CTNND2: variants seen among roughly 807,000 people sequenced by gnomAD.
CTNND2 encodes the protein catenin delta 2, also known as catenin delta-2.
A neutral mutation model predicts 144.4 loss-of-function variants in CTNND2; 22 were observed. The observed-to-expected ratio is 0.15, with a 90% confidence interval of 0.11 to 0.22. CTNND2 has a LOEUF of 0.22. Among genes scored for constraint, CTNND2 ranks in the 10% least tolerant of loss-of-function variants. The probability of loss-of-function intolerance (pLI) is 1.00; values close to 1 mark genes in which losing one functional copy is unlikely to be tolerated. For missense variants in CTNND2, 1,353 were observed against 1,618.8 expected (o/e 0.84, Z 2.82); for synonymous variants, 751 against 695.6 (o/e 1.08, Z -1.25).
At chr5:10,998,847 T>C (rs1739623730) in intron 18 of CTNND2, among the ~76,000 whole-genome samples, 1 of 152,218 alleles carries the variant, frequency 6.6e-6, no homozygotes, top group African/African-American at 2.4e-5. Flanking sequence ...AAAATGTGCG[T>C]AGGTTATATG....
intron 3 of CTNND2, among the ~76,000 whole-genome samples, chr5:11,549,287 C>A (rs966100983): frequency 6.6e-6 from 1 of 152,136 alleles, no homozygotes; most frequent in Admixed American, 6.5e-5. Flanking sequence ...ACATTATATA[C>A]GGTGTCTGCA....
intron 2 of CTNND2, among the ~76,000 whole-genome samples, chr5:11,686,927 T>C (rs1424192136): frequency 6.6e-6 from 1 of 150,460 alleles, no homozygotes; most frequent in Non-Finnish European, 1.5e-5. Context: ...TAGACAAAAA[T>C]AGAAAATGCA....
intron 2 of CTNND2, among the ~76,000 whole-genome samples, chr5:11,702,747 G>A (rs1222167734): frequency 6.6e-6 from 1 of 152,178 alleles, no homozygotes; most frequent in Admixed American, 6.5e-5. Flanking sequence ...AAAACACAGA[G>A]GTTGTTAGCA....
chr5:11,182,556 A>G (rs1298482313), intron 11 of CTNND2, among the ~76,000 whole-genome samples: 2 of 152,000 alleles, frequency 1.3e-5, no homozygotes, highest in Admixed American at 1.3e-4. Context: ...CAAAACTCTT[A>G]ATTGCAGGTG....
chr5:11,197,387 A>G (rs1245000283), intron 11 of CTNND2, among the ~76,000 whole-genome samples: 2 of 152,244 alleles, frequency 1.3e-5, no homozygotes, highest in Non-Finnish European at 2.9e-5. Flanking sequence ...CATTTCGTCT[A>G]GGAGGAGACA....
At chr5:11,504,959 CCT>C (rs2150014977) in intron 3 of CTNND2, among the ~76,000 whole-genome samples, 1 of 152,192 alleles carries the variant, frequency 6.6e-6, no homozygotes, top group African/African-American at 2.4e-5. Context: ...CACATGGCCT[CCT>C]TTTGTCCTGG....
In CTNND2 at chr5:11,291,771, A is replaced by T. The variant is rs141132480; in HGVS notation, c.1628+54601T>A. On this transcript the variant is annotated intron_variant, in intron 9 of 21. Transcript: ENST00000304623. Reference sequence around the variant, plus strand: ...TAACATGGAACAGAAAATGCCTGAAACCTGGTACAAAATAGGCAGGCAATA... The same window carrying T: ...TAACATGGAACAGAAAATGCCTGAATCCTGGTACAAAATAGGCAGGCAATA... Among the ~76,000 whole-genome samples the T allele has an allele frequency of 5.3e-4, 81 of 152,286 alleles. 1 individual carries two copies. In the East Asian group the frequency reaches 0.015, roughly 28 times the overall value.
chr5:11,437,651 A>G (rs1435465855), intron 3 of CTNND2, among the ~76,000 whole-genome samples: 1 of 152,142 alleles, frequency 6.6e-6, no homozygotes, highest in African/African-American at 2.4e-5. Flanking sequence ...GTGTGAACCC[A>G]AAGAGTAAGT....
At chr5:11,261,044 G>A (rs1023263207) in intron 9 of CTNND2, among the ~76,000 whole-genome samples, 1 of 152,084 alleles carries the variant, frequency 6.6e-6, no homozygotes, top group Non-Finnish European at 1.5e-5. Flanking sequence ...GTTGATCCCA[G>A]GCAGGGTGCT....
At chr5:11,220,273 A>C (rs1277593363) in intron 10 of CTNND2, among the ~76,000 whole-genome samples, 1 of 152,204 alleles carries the variant, frequency 6.6e-6, no homozygotes, top group Non-Finnish European at 1.5e-5. Flanking sequence ...CCCAGTGAAG[A>C]GGAAAGAAGG....
At chr5:11,710,331 A>C (rs1375307144) in intron 2 of CTNND2, among the ~76,000 whole-genome samples, 1 of 152,100 alleles carries the variant, frequency 6.6e-6, no homozygotes, top group Non-Finnish European at 1.5e-5. Flanking sequence ...TCACGAGGTC[A>C]AGGGATCGAG....
chr5:11,740,058 G>A (rs1787912267), intron 1 of CTNND2, among the ~76,000 whole-genome samples: 1 of 152,090 alleles, frequency 6.6e-6, no homozygotes, highest in Admixed American at 6.6e-5. Flanking sequence ...ACAAATGCAA[G>A]AACATTCCAT....
At chr5:11,553,471 A>T (rs1370933791) in intron 3 of CTNND2, among the ~76,000 whole-genome samples, 2 of 152,268 alleles carry the variant, frequency 1.3e-5, no homozygotes, top group East Asian at 3.8e-4. Context: ...TGATTCACTC[A>T]TAACAGTTGG....
intron 3 of CTNND2, among the ~76,000 whole-genome samples, chr5:11,437,879 G>A (rs1189668732): frequency 6.6e-6 from 1 of 152,208 alleles, no homozygotes; most frequent in African/African-American, 2.4e-5. Context: ...TATTCCACAA[G>A]CACCCTCACA....
At chr5:11,657,768 C>T (rs1017905449) in intron 2 of CTNND2, among the ~76,000 whole-genome samples, 3 of 152,046 alleles carry the variant, frequency 2.0e-5, no homozygotes, top group African/African-American at 7.2e-5. Context: ...GTGCATAAAA[C>T]TCAAATACCT....
intron 9 of CTNND2, among the ~76,000 whole-genome samples, chr5:11,239,215 C>T (rs1223201315): frequency 6.6e-6 from 1 of 152,258 alleles, no homozygotes; most frequent in Admixed American, 6.5e-5. Flanking sequence ...CCAAGTGCAC[C>T]TTTTGAACAA....
intron 8 of CTNND2, among the ~76,000 whole-genome samples, chr5:11,350,898 G>A (rs1580985508): frequency 6.6e-6 from 1 of 152,122 alleles, no homozygotes; most frequent in Admixed American, 6.5e-5. Context: ...GATCTAATAT[G>A]TAGAGAATAT....
chr5:11,515,119 A>AAG (rs1429917090), intron 3 of CTNND2, among the ~76,000 whole-genome samples: 1 of 151,978 alleles, frequency 6.6e-6, no homozygotes, highest in African/African-American at 2.4e-5. Context: ...ACCAAAAAAA[A>AAG]AAAAAAACGC....
chr5:11,121,099 T>A (rs141002072), intron 12 of CTNND2, among the ~76,000 whole-genome samples: 7 of 152,200 alleles, frequency 4.6e-5, no homozygotes, highest in African/African-American at 1.4e-4. Context: ...TGAAATAGCA[T>A]AAGCTTGTTA....
Sources: gnomAD v4.1 joint callset for allele counts (sites outside exome capture counted in the v4.1 genomes callset) on GRCh38, gnomAD v4.1.1 for gene constraint, MANE v1.5 for transcripts, NCBI Gene and HGNC (gene_info 2026-07-23, HGNC 2026-07-21) for gene names.